CNTNAP2: variants seen among roughly 807,000 people sequenced by gnomAD.
The protein encoded by CNTNAP2 is contactin-associated protein-like 2.
A neutral mutation model predicts 155.2 loss-of-function variants in CNTNAP2; 98 were observed. The ratio of observed to expected loss-of-function variants is 0.63; its 90% confidence interval spans 0.54 to 0.75. The LOEUF (loss-of-function observed/expected upper bound fraction) is 0.75. Among genes scored for constraint, CNTNAP2 ranks in the 30% least tolerant of loss-of-function variants. The pLI is 0.00. For synonymous variants in CNTNAP2, 651 were observed against 631.2 expected, an observed-to-expected ratio of 1.03 and a Z score of -0.47; for missense variants, 1,727 against 1,688.1, an observed-to-expected ratio of 1.02 and a Z score of -0.40.
intron 13 of CNTNAP2, among the ~76,000 whole-genome samples, chr7:147,692,340 A>G (rs909798430): frequency 6.6e-6 from 1 of 152,126 alleles, no homozygotes; most frequent in South Asian, 2.1e-4. Flanking sequence ...TTGTGTGAAC[A>G]TAAGTTTTCA....
At chr7:146,477,876 G>A (rs551563072) in intron 1 of CNTNAP2, among the ~76,000 whole-genome samples, 117 of 152,140 alleles carry the variant, frequency 7.7e-4, no homozygotes, top group African/African-American at 2.6e-3. Context: ...GTAATATAAT[G>A]CCCAACTTAT....
At chr7:148,177,685 T>A (rs572089473) in intron 18 of CNTNAP2, among the ~76,000 whole-genome samples, 52 of 152,250 alleles carry the variant, frequency 3.4e-4, no homozygotes, top group Non-Finnish European at 6.3e-4. Flanking sequence ...GCTCCTATTG[T>A]ACCAAGAAGG....
At chr7:147,652,922 A>G (rs1795469997) in intron 13 of CNTNAP2, among the ~76,000 whole-genome samples, 1 of 152,200 alleles carries the variant, frequency 6.6e-6, no homozygotes, top group Non-Finnish European at 1.5e-5. Context: ...AGAGACATTT[A>G]TAAGAGCTGC....
chr7:147,931,875 T>C (rs534880711), intron 14 of CNTNAP2, among the ~76,000 whole-genome samples: 10 of 152,166 alleles, frequency 6.6e-5, no homozygotes, highest in African/African-American at 1.9e-4. Flanking sequence ...TTTTCTTTAT[T>C]TTATTTTATT....
At chr7:147,738,650 C>CT (rs111611444) in intron 13 of CNTNAP2, among the ~76,000 whole-genome samples, 30,677 of 57,496 alleles carry the variant, frequency 0.53, 3,672 homozygotes, top group Middle Eastern at 0.64. Flanking sequence ...GTAAACATAA[C>CT]TTTTTTTTTT....
intron 1 of CNTNAP2, among the ~76,000 whole-genome samples, chr7:146,247,182 T>C (rs1799674980): frequency 6.6e-6 from 1 of 152,136 alleles, no homozygotes; most frequent in Non-Finnish European, 1.5e-5. Context: ...CTGGGCTGGA[T>C]TTTTCATATT....
rs185945858 is a variant in CNTNAP2 at position 146,595,922 on chromosome 7, T to A, written c.98-178349T>A. 2.4e-3 allele frequency among the ~76,000 whole-genome samples: 370 copies of A among 152,130 alleles called. 4 individuals carry two copies. Among genetic ancestry groups the A allele is most frequent in the Non-Finnish European group, 1.0e-3 (71 of 67,972 alleles). The stretch of plus-strand genomic sequence containing the variant: ...ACTTTTTAACTTGTCCAGGTGTAAA[T>A]GGTAGTTGCTGAGGCCTTTATATAA... On this transcript the variant is annotated intron_variant, in intron 1 of 23. Transcript: ENST00000361727.
intron 12 of CNTNAP2, among the ~76,000 whole-genome samples, chr7:147,596,923 A>G (rs1800836079): frequency 1.3e-5 from 2 of 152,232 alleles, no homozygotes; most frequent in African/African-American, 4.8e-5. Flanking sequence ...CTCCAGAGTC[A>G]TGACAATTTA....
At position 146,816,471 on chromosome 7, in the gene CNTNAP2, CG is replaced by C. The variant is rs544701394; in HGVS notation, c.209-23237del. ...GACCTCACCAACTGACTGCCCATGC[CG>C]GGAACAGTTGGCCATCCCACAGTCT... On this transcript the variant is annotated intron_variant, in intron 2 of 23. Coordinates refer to ENST00000361727, the MANE Select transcript of CNTNAP2 (RefSeq NM_014141.6). Among the ~76,000 whole-genome samples, 455 of 152,226 alleles carry C rather than the reference CG, an allele frequency of 3.0e-3. 2 individuals carry two copies. Among genetic ancestry groups the C allele is most frequent in the African/African-American group, 0.01 (421 of 41,540 alleles).
At chr7:146,368,905 T>C (rs1051607761) in intron 1 of CNTNAP2, among the ~76,000 whole-genome samples, 29 of 150,424 alleles carry the variant, frequency 1.9e-4, no homozygotes, top group African/African-American at 7.0e-4. Context: ...TCCATACTTT[T>C]AAATACTGTA....
intron 12 of CNTNAP2, among the ~76,000 whole-genome samples, chr7:147,599,467 G>T: frequency 8.3e-6 from 1 of 120,456 alleles, no homozygotes; most frequent in East Asian, 2.5e-4. Flanking sequence ...TGGGCAACGA[G>T]TGAAACTCTG....
At chr7:147,173,700 T>C (rs551691836) in intron 8 of CNTNAP2, among the ~76,000 whole-genome samples, 56 of 152,176 alleles carry the variant, frequency 3.7e-4, no homozygotes, top group Non-Finnish European at 6.3e-4. Context: ...GAGTGATTTC[T>C]CCACCCTAAA....
At chr7:147,465,937 T>C (rs1798112396) in intron 10 of CNTNAP2, among the ~76,000 whole-genome samples, 1 of 8,080 alleles carries the variant, frequency 1.2e-4, no homozygotes, top group Admixed American at 1.8e-3. Context: ...GTATCTAATG[T>C]GTGTGTAGCT....
rs566293682 is a variant in CNTNAP2 at position 147,378,950 on chromosome 7, G to A, written c.1499-16659G>A. On this transcript the variant is annotated intron_variant, in intron 9 of 23. Coordinates refer to ENST00000361727, the MANE Select transcript of CNTNAP2 (RefSeq NM_014141.6). Reference sequence around the variant, plus strand: ...CCCTACATGTCGTGGGAGGGACCCAGTGAGAGATAATTGAATCATGGCAGC... The same window carrying A: ...CCCTACATGTCGTGGGAGGGACCCAATGAGAGATAATTGAATCATGGCAGC... 9.9e-5 allele frequency among the ~76,000 whole-genome samples: 15 copies of A among 152,128 alleles called. 1 individual carries two copies. In the South Asian group the frequency reaches 1.5e-3, roughly 15 times the overall value.
At chr7:146,765,140 CAGT>C (rs1802172685) in intron 1 of CNTNAP2, among the ~76,000 whole-genome samples, 1 of 152,112 alleles carries the variant, frequency 6.6e-6, no homozygotes, top group African/African-American at 2.4e-5. Context: ...AGCTAACTGA[CAGT>C]AGTCAATAGT....
intron 20 of CNTNAP2, among the ~76,000 whole-genome samples, chr7:148,266,601 AGTGTGTGTGTGTGTATGT>A (rs1796673741): frequency 6.6e-6 from 1 of 151,400 alleles, no homozygotes; most frequent in Admixed American, 6.6e-5. Flanking sequence ...TCAGCATTTG[AGTGTGTGTGTGTGTATGT>A]GTGTGTGTGT....
chr7:147,422,748 T>A (rs1342631058), intron 10 of CNTNAP2, among the ~76,000 whole-genome samples: 1 of 152,214 alleles, frequency 6.6e-6, no homozygotes, highest in Non-Finnish European at 1.5e-5. Context: ...CTGAAATGGA[T>A]GTGGTAAACA....
intron 3 of CNTNAP2, among the ~76,000 whole-genome samples, chr7:146,856,293 G>GATACATAC (rs1212011580): frequency 9.7e-4 from 61 of 63,062 alleles, no homozygotes; most frequent in Middle Eastern, 0.015. Flanking sequence ...TAGATAGATA[G>GATACATAC]ATAGATACAT....
At chr7:146,868,864 A>T (rs942655480) in intron 3 of CNTNAP2, among the ~76,000 whole-genome samples, 2 of 152,016 alleles carry the variant, frequency 1.3e-5, no homozygotes, top group African/African-American at 4.8e-5. Context: ...TGCATTGATT[A>T]TGTATCTTAC....
Sources: allele counts gnomAD v4.1 joint callset (sites outside exome capture counted in the v4.1 genomes callset), GRCh38; gene constraint gnomAD v4.1.1; transcripts MANE v1.5; gene names NCBI Gene and HGNC (gene_info 2026-07-23, HGNC 2026-07-21).